C10orf90: variants seen among roughly 807,000 people sequenced by gnomAD.
C10orf90 encodes (E2-independent) E3 ubiquitin-conjugating enzyme FATS.
A neutral mutation model predicts 62.5 loss-of-function variants in C10orf90; 56 were observed. That is an observed-to-expected ratio of 0.90 (90% CI 0.72 to 1.12). The LOEUF is 1.12. C10orf90 is among the 50% of genes most tolerant of loss of function. The probability of loss-of-function intolerance (pLI) is 0.00; values close to 1 mark genes in which losing one functional copy is unlikely to be tolerated. For synonymous variants in C10orf90, 386 were observed against 340.4 expected, an observed-to-expected ratio of 1.13 and a Z score of -1.47; for missense variants, 970 against 880.4, an observed-to-expected ratio of 1.10 and a Z score of -1.29.
At chr10:126,588,574 G>C (rs1343599986) in intron 2 of C10orf90, among the ~76,000 whole-genome samples, 2 of 152,178 alleles carry the variant, frequency 1.3e-5, no homozygotes, top group Admixed American at 6.5e-5. Context: ...TGTACCCTCA[G>C]CAAACCACAG....
At chr10:126,664,667 T>A (rs1364912843) in intron 1 of C10orf90, among the ~76,000 whole-genome samples, 2 of 152,140 alleles carry the variant, frequency 1.3e-5, no homozygotes, top group Non-Finnish European at 2.9e-5. Flanking sequence ...TGGTGGAAAT[T>A]TACCAAAATG....
In C10orf90 at chr10:126,591,051, A is replaced by G. The variant is rs192519668; in HGVS notation, c.313+55514T>C. ...GATTTCTGAAATTAAAGCAGTAATC[A>G]ATAGGCTACCAACCAAAAAAACAGC... On this transcript the variant is annotated intron_variant, in intron 2 of 9. Coordinates refer to ENST00000488181, the MANE Select transcript of C10orf90 (RefSeq NM_001350921.2). Among the ~76,000 whole-genome samples, 3 of 152,326 alleles carry G rather than the reference A, an allele frequency of 2.0e-5. No individual in the cohort carries two copies. In the East Asian group the frequency reaches 5.8e-4, roughly 29 times the overall value.
intron 2 of C10orf90, among the ~76,000 whole-genome samples, chr10:126,643,632 G>A (rs1444109535): frequency 6.6e-6 from 1 of 152,212 alleles, no homozygotes; most frequent in Non-Finnish European, 1.5e-5. Flanking sequence ...CAGGGCCCAA[G>A]TAGCAACCTT....
At chr10:126,503,854 G>A (rs997234886) in intron 4 of C10orf90, 103 bp downstream of exon 4, 14 of 1,387,164 alleles carry the variant, frequency 1.0e-5, no homozygotes, top group Non-Finnish European at 1.3e-5. Context: ...AGTCTACTGA[G>A]AAATGCCTCT....
chr10:126,538,896 C>T (rs1864308551), intron 2 of C10orf90, among the ~76,000 whole-genome samples: 1 of 152,176 alleles, frequency 6.6e-6, no homozygotes, highest in African/African-American at 2.4e-5. Flanking sequence ...CCAGGGAAAC[C>T]CCAATGCCAA....
At chr10:126,660,194 A>C (rs1374993880) in intron 1 of C10orf90, among the ~76,000 whole-genome samples, 2 of 152,248 alleles carry the variant, frequency 1.3e-5, no homozygotes, top group Non-Finnish European at 2.9e-5. Context: ...AAAAGATCCT[A>C]TGAATATGAC....
At chr10:126,547,537 G>A (rs11245032) in intron 2 of C10orf90, among the ~76,000 whole-genome samples, 40,960 of 141,698 alleles carry the variant, frequency 0.29, 6,936 homozygotes, top group Non-Finnish European at 0.37. Flanking sequence ...GACACTGAGA[G>A]GACAAACACA....
rs1564786251 is a variant in C10orf90, at chr10:126,429,884, G to A, written c.2189-34C>T. On this transcript the variant is annotated intron_variant, in intron 7 of 9. Coordinates refer to ENST00000488181, the MANE Select transcript of C10orf90 (RefSeq NM_001350921.2). ...AATAGAAAGAGAATTAAGTTCAGAA[G>A]GCATAGAATCTCACACATTTCTAGA... 6.4e-6 allele frequency: 10 copies of A among 1,550,506 alleles called. No homozygotes were observed. The South Asian group carries it at 1.1e-4, about 17-fold the overall frequency.
chr10:126,525,050 C>T (rs1463232745), intron 2 of C10orf90, among the ~76,000 whole-genome samples: 2 of 152,174 alleles, frequency 1.3e-5, no homozygotes, highest in Non-Finnish European at 2.9e-5. Flanking sequence ...AAAGAGATGC[C>T]ACCCTCAACT....
At chr10:126,519,340 T>C (rs1463331558) in intron 2 of C10orf90, among the ~76,000 whole-genome samples, 2 of 152,234 alleles carry the variant, frequency 1.3e-5, no homozygotes, top group Non-Finnish European at 2.9e-5. Flanking sequence ...TTCCAATCTG[T>C]TGCCCAATAC....
chr10:126,552,145 A>G (rs1864648916), intron 2 of C10orf90, among the ~76,000 whole-genome samples: 1 of 152,168 alleles, frequency 6.6e-6, no homozygotes, highest in Non-Finnish European at 1.5e-5. Context: ...TCATCAGTGT[A>G]AAAAAGCCTC....
rs759354683 is a variant in C10orf90 at position 126,504,509 on chromosome 10, CTT to C, written c.980_981del (p.Lys327ArgfsTer46). 1.9e-6 allele frequency: 3 copies of C among 1,614,226 alleles called. No homozygotes were observed. Among genetic ancestry groups the C allele is most frequent in the Non-Finnish European group, 1.7e-6 (2 of 1,180,048 alleles). ...RKYWVTHADD[K>X]ETSFSPDTPL... ...GGGGTGTCTGGAGAAAAACTGGTCT[CTT>C]TGTCGTCTGCATGGGTGACCCAGTA... On this transcript the variant is annotated frameshift_variant, in exon 4 of 10. Coordinates refer to ENST00000488181, the MANE Select transcript of C10orf90 (RefSeq NM_001350921.2). LOFTEE classifies it high-confidence loss of function. The surrounding 1 kb of genome is among the most constrained non-coding windows in gnomAD (Gnocchi z 4.1).
chr10:126,435,263 A>G (rs1260372695), intron 7 of C10orf90, among the ~76,000 whole-genome samples: 6 of 152,230 alleles, frequency 3.9e-5, no homozygotes, highest in Admixed American at 3.9e-4. Flanking sequence ...TGGTGAAGGA[A>G]TATAAAATTA....
chr10:126,571,558 C>G (rs922555901), intron 2 of C10orf90, among the ~76,000 whole-genome samples: 1 of 152,210 alleles, frequency 6.6e-6, no homozygotes, highest in African/African-American at 2.4e-5. Context: ...TGAATATACT[C>G]TCACCTTCCA....
chr10:126,608,476 T>C (rs184876677), intron 2 of C10orf90, among the ~76,000 whole-genome samples: 1 of 152,356 alleles, frequency 6.6e-6, no homozygotes. Flanking sequence ...TTTTACGATA[T>C]ATGCACTTAA....
intron 3 of C10orf90, among the ~76,000 whole-genome samples, chr10:126,505,527 A>G (rs1354384125): frequency 1.3e-5 from 2 of 152,180 alleles, no homozygotes; most frequent in Admixed American, 6.5e-5. Context: ...GGAAACAGCA[A>G]CGGTGGTTAC....
chr10:126,565,312 TTA>T (rs1281555573), intron 2 of C10orf90, among the ~76,000 whole-genome samples: 5 of 60,222 alleles, frequency 8.3e-5, no homozygotes, highest in African/African-American at 2.3e-4. Flanking sequence ...ATATATTATA[TTA>T]TATATATTAT....
intron 2 of C10orf90, among the ~76,000 whole-genome samples, chr10:126,572,589 G>T (rs1203100863): frequency 6.6e-6 from 1 of 152,094 alleles, no homozygotes; most frequent in Non-Finnish European, 1.5e-5. Context: ...GAGCAGTGAG[G>T]ACAACCAGAG....
chr10:126,495,271 C>G (rs1861980896), intron 4 of C10orf90, among the ~76,000 whole-genome samples: 1 of 152,168 alleles, frequency 6.6e-6, no homozygotes, highest in African/African-American at 2.4e-5. Flanking sequence ...CACCTGTAAT[C>G]CTGGCACTTT....
Sources: allele counts gnomAD v4.1 joint callset (sites outside exome capture counted in the v4.1 genomes callset), GRCh38; gene constraint gnomAD v4.1.1; non-coding constraint Gnocchi (gnomAD v3.1); transcripts MANE v1.5; gene names NCBI Gene and HGNC (gene_info 2026-07-23, HGNC 2026-07-21).